Variants in DAB1 observed in about 807,000 individuals in gnomAD.
DAB1 encodes DAB adaptor protein 1, also known as disabled homolog 1.
DAB1 carries 15 observed loss-of-function variants against 64.6 expected under a neutral mutation model. The ratio of observed to expected loss-of-function variants is 0.23; its 90% confidence interval spans 0.16 to 0.36. The LOEUF (loss-of-function observed/expected upper bound fraction) is 0.36, where lower values mean the gene tolerates loss of function less well. Among genes scored for constraint, DAB1 ranks in the 10% least tolerant of loss-of-function variants. The pLI is 1.00. For missense variants in DAB1, 596 were observed against 706.7 expected, an observed-to-expected ratio of 0.84 and a Z score of 1.78; for synonymous variants, 235 against 251.9, an observed-to-expected ratio of 0.93 and a Z score of 0.64.
chr1:58,402,023 C>A (rs1279581410), intron 3 of DAB1, among the ~76,000 whole-genome samples: 2 of 152,196 alleles, frequency 1.3e-5, no homozygotes, highest in Admixed American at 6.5e-5. Flanking sequence ...ATGAGCAATT[C>A]TTGATGGAGT....
At chr1:57,478,080 G>A (rs1643962121) in intron 7 of DAB1, among the ~76,000 whole-genome samples, 1 of 150,388 alleles carries the variant, frequency 6.6e-6, no homozygotes, top group Non-Finnish European at 1.5e-5. Flanking sequence ...AGGCCCGGGT[G>A]TGTGATGTTC....
intron 7 of DAB1, among the ~76,000 whole-genome samples, chr1:57,519,524 T>C (rs971508348): frequency 2.6e-5 from 4 of 152,122 alleles, no homozygotes; most frequent in Non-Finnish European, 5.9e-5. Context: ...AAGAGTCCCC[T>C]GGACATGGTA....
intron 1 of DAB1, among the ~76,000 whole-genome samples, chr1:57,404,594 C>T (rs184252498): frequency 3.9e-5 from 6 of 152,050 alleles, no homozygotes; most frequent in African/African-American, 9.6e-5. Flanking sequence ...CTCTTTTATG[C>T]TTTTTTTGTG....
chr1:57,312,746 A>T (rs1674831691), intron 1 of DAB1, among the ~76,000 whole-genome samples: 1 of 152,004 alleles, frequency 6.6e-6, no homozygotes, highest in South Asian at 2.1e-4. Flanking sequence ...GTGTGCAGGG[A>T]AATGAGGGCC....
intron 7 of DAB1, among the ~76,000 whole-genome samples, chr1:57,628,459 C>T (rs1645949523): frequency 6.6e-6 from 1 of 152,162 alleles, no homozygotes; most frequent in South Asian, 2.1e-4. Context: ...TTCACCCATT[C>T]ATTCATTCAT....
chr1:57,638,429 C>A (rs1282261629), intron 7 of DAB1, among the ~76,000 whole-genome samples: 5 of 152,164 alleles, frequency 3.3e-5, no homozygotes, highest in Non-Finnish European at 5.9e-5. Context: ...AGAATGATGT[C>A]ATCTGCAATG....
intron 14 of DAB1, among the ~76,000 whole-genome samples, chr1:57,005,760 C>G (rs1308455897): frequency 6.6e-6 from 1 of 152,152 alleles, no homozygotes; most frequent in East Asian, 1.9e-4. Context: ...AATCCTGGTG[C>G]TATTACATGT....
At chr1:58,423,456 A>G (rs1644791971) in intron 3 of DAB1, among the ~76,000 whole-genome samples, 1 of 152,182 alleles carries the variant, frequency 6.6e-6, no homozygotes, top group Non-Finnish European at 1.5e-5. Context: ...AGGTAGACTT[A>G]GGCTTTTCTC....
chr1:57,065,334 C>T (rs796092866), intron 8 of DAB1, among the ~76,000 whole-genome samples: 7 of 152,264 alleles, frequency 4.6e-5, no homozygotes, highest in African/African-American at 1.2e-4. Flanking sequence ...ATGCATCACG[C>T]GTTCCCTGGG....
intron 2 of DAB1, among the ~76,000 whole-genome samples, chr1:57,221,406 A>C (rs952902883): frequency 6.6e-6 from 1 of 151,986 alleles, no homozygotes; most frequent in South Asian, 2.1e-4. Context: ...TAATAATTTT[A>C]AAAAAGGCTA....
intron 4 of DAB1, among the ~76,000 whole-genome samples, chr1:58,304,402 T>A (rs1210191647): frequency 1.3e-5 from 2 of 152,182 alleles, no homozygotes; most frequent in African/African-American, 4.8e-5. Context: ...AGCAGAGGAA[T>A]GGTAAATGAG....
At chr1:57,657,655 T>C (rs183850342) in intron 6 of DAB1, among the ~76,000 whole-genome samples, 9 of 152,356 alleles carry the variant, frequency 5.9e-5, no homozygotes, top group Non-Finnish European at 1.2e-4. Flanking sequence ...GACATCTAGA[T>C]GAAATTATTC....
At chr1:57,474,940 G>A (rs1390580696) in intron 7 of DAB1, among the ~76,000 whole-genome samples, 2 of 152,204 alleles carry the variant, frequency 1.3e-5, no homozygotes, top group South Asian at 2.1e-4. Context: ...CCTGTGCTCC[G>A]TAAAGAAGAT....
intron 1 of DAB1, among the ~76,000 whole-genome samples, chr1:57,316,466 G>A (rs1337364933): frequency 1.3e-5 from 2 of 151,978 alleles, no homozygotes; most frequent in African/African-American, 2.4e-5. Context: ...CAAATGCCAG[G>A]CTACAGAAGG....
chr1:57,474,643 T>A (rs1369205891), intron 7 of DAB1, among the ~76,000 whole-genome samples: 4 of 152,186 alleles, frequency 2.6e-5, no homozygotes, highest in Admixed American at 6.5e-5. Context: ...GATTAAAGTG[T>A]CAATATTATG....
At chr1:57,034,886 C>T (rs148468017) in intron 9 of DAB1, among the ~76,000 whole-genome samples, 25 of 152,298 alleles carry the variant, frequency 1.6e-4, no homozygotes, top group African/African-American at 6.0e-4. Flanking sequence ...GGACATGTGA[C>T]TGTTACTTCC....
chr1:57,425,091 A>C (rs1222217950), upstream of DAB1, among the ~76,000 whole-genome samples: 2 of 152,162 alleles, frequency 1.3e-5, no homozygotes, highest in Non-Finnish European at 2.9e-5. Flanking sequence ...AACTCCAGAA[A>C]ATTCCTGTTG....
In DAB1 at chr1:57,403,243, C is replaced by G. The variant is rs563137792; in HGVS notation, c.-137+20687G>C. 1.1e-3 allele frequency among the ~76,000 whole-genome samples: 163 copies of G among 152,244 alleles called. 2 individuals are homozygous for G. Among genetic ancestry groups the G allele is most frequent in the South Asian group, 4.1e-4 (2 of 4,824 alleles). On this transcript the variant is annotated intron_variant, in intron 1 of 14. Transcript: ENST00000371236. ...GCCAGCCTTAGGCCATTCTGTGGAT[C>G]CATTGGGAAAAAGCCCTATCTCCTG...
chr1:57,474,486 A>G (rs1269222645), intron 7 of DAB1, among the ~76,000 whole-genome samples: 2 of 152,196 alleles, frequency 1.3e-5, no homozygotes, highest in East Asian at 1.9e-4. Flanking sequence ...CAATGTTTGG[A>G]TCCATTAGGA....
Sources: allele counts gnomAD v4.1 joint callset (sites outside exome capture counted in the v4.1 genomes callset), GRCh38; gene constraint gnomAD v4.1.1; transcripts MANE v1.5; gene names NCBI Gene and HGNC (gene_info 2026-07-23, HGNC 2026-07-21).